Variants in ABCD3 observed in about 807,000 individuals in gnomAD.
The protein encoded by ABCD3 is ATP-binding cassette sub-family D member 3.
ABCD3 carries 41 observed loss-of-function variants against 105.5 expected under a neutral mutation model. The ratio of observed to expected loss-of-function variants is 0.39; its 90% confidence interval spans 0.30 to 0.50. The LOEUF is 0.50. ABCD3 is among the 20% of genes least tolerant of loss of function. The pLI is 0.84. For missense variants in ABCD3, 622 were observed against 806.3 expected (o/e 0.77, Z 2.77); for synonymous variants, 258 against 269.0 (o/e 0.96, Z 0.40).
intron 4 of ABCD3, among the ~76,000 whole-genome samples, chr1:94,469,663 C>CTTT (rs5776221): frequency 5.7e-5 from 4 of 70,080 alleles, no homozygotes; most frequent in African/African-American, 1.4e-4. Flanking sequence ...GTGTTCTTGC[C>CTTT]TTTTTTTTTT....
intron 1 of ABCD3, among the ~76,000 whole-genome samples, chr1:94,437,618 A>G (rs1356839719): frequency 6.6e-6 from 1 of 152,228 alleles, no homozygotes; most frequent in Non-Finnish European, 1.5e-5. Context: ...TGTTTTCATG[A>G]CTGCTTATAC....
rs776244018 is a variant in ABCD3, at chr1:94,499,001, A to C, written c.1587A>C (p.Arg529=). 1.2e-6 allele frequency: 2 copies of C among 1,614,028 alleles called. No individual in the cohort carries two copies. The highest frequency in any genetic ancestry group is 1.7e-6 in the Non-Finnish European group (2 of 1,179,950). The change falls in exon 19 of 23, where the codon CGA becomes CGC. Residue 529 remains arginine (R), a synonymous_variant. Transcript: ENST00000370214. ...ATCAAGTGATATATCCAGATGGACG[A>C]GAAGATCAGAAAAGGAAGGGAATTT... ...LRDQVIYPDG[R]EDQKRKGISD... is the part of the protein sequence containing the mutation.
intron 1 of ABCD3, among the ~76,000 whole-genome samples, chr1:94,434,593 T>C (rs1201180235): frequency 6.6e-6 from 1 of 152,180 alleles, no homozygotes; most frequent in Non-Finnish European, 1.5e-5. Flanking sequence ...ATTATAATCT[T>C]ATGGGACCAC....
chr1:94,409,183 T>G, the ABCD3 span, among the ~76,000 whole-genome samples: 1 of 152,142 alleles, frequency 6.6e-6, no homozygotes, highest in African/African-American at 2.4e-5. Context: ...TAGTAAAAAA[T>G]AATTTAATTG....
At chr1:94,425,242 A>G (rs1659420163) in intron 1 of ABCD3, among the ~76,000 whole-genome samples, 1 of 152,184 alleles carries the variant, frequency 6.6e-6, no homozygotes, top group African/African-American at 2.4e-5. Flanking sequence ...ACCATAATAC[A>G]AATATTGTTT....
chr1:94,458,881 T>G (rs1384691869), intron 2 of ABCD3, among the ~76,000 whole-genome samples: 3 of 148,722 alleles, frequency 2.0e-5, no homozygotes, highest in African/African-American at 7.4e-5. Context: ...TCCCCCCCTC[T>G]TCTAGCTTCT....
chr1:94,462,187 T>C (rs1647907160), intron 2 of ABCD3, among the ~76,000 whole-genome samples: 1 of 152,208 alleles, frequency 6.6e-6, no homozygotes, highest in Non-Finnish European at 1.5e-5. Context: ...ACCACAGTGG[T>C]CTTTTTTTTA....
rs769127252 is a variant in ABCD3, at chr1:94,478,545, C to T, written c.684+230C>T. 7 of 1,597,148 alleles carry T rather than the reference C, an allele frequency of 4.4e-6. No individual in the cohort carries two copies. The East Asian group carries it at 1.1e-4, about 26-fold the overall frequency. On this transcript the variant is annotated intron_variant, in intron 8 of 22. Transcript: ENST00000370214. ...TTAGGTACTTGGAAAAATTTTGTGG[C>T]ATTAAAAACCAGACAAATGTATTGG...
rs747209883 is a variant in ABCD3 at position 94,499,051 on chromosome 1, A to G, written c.1620+17A>G. 4.4e-6 allele frequency: 7 copies of G among 1,579,738 alleles called. No homozygotes were observed. In the African/African-American group the frequency reaches 8.1e-5, roughly 18 times the overall value. On this transcript the variant is annotated intron_variant, in intron 19 of 22. Transcript: ENST00000370214. ...TCTGACCTAGTAAGGGAATGTTTAT[A>G]TCCTAGATCCACTGAAAATACTCCA...
At chr1:94,425,659 T>TGCAGTACTATGAATGAA (rs1659440395) in intron 1 of ABCD3, among the ~76,000 whole-genome samples, 1 of 152,260 alleles carries the variant, frequency 6.6e-6, no homozygotes, top group Non-Finnish European at 1.5e-5. Flanking sequence ...TGTGCCAATT[T>TGCAGTACTATGAATGAA]GCAGTACTAT....
At chr1:94,412,553 C>T in the ABCD3 span, among the ~76,000 whole-genome samples, 1 of 152,098 alleles carries the variant, frequency 6.6e-6, no homozygotes, top group African/African-American at 2.4e-5. Flanking sequence ...TAGAAAAGTT[C>T]CCAATTCTTT....
chr1:94,494,049 C>T (rs11581292), intron 16 of ABCD3, among the ~76,000 whole-genome samples: 54,166 of 151,660 alleles, frequency 0.36, 11,312 homozygotes, highest in Middle Eastern at 0.55. Flanking sequence ...ACATATGTAA[C>T]TAACCTGCAC....
chr1:94,475,514 T>C, intron 6 of ABCD3, 100 bp from the exon 7 acceptor site: 1 of 1,285,902 alleles, frequency 7.8e-7, no homozygotes, highest in South Asian at 1.3e-5. Flanking sequence ...ACTTTTTTGT[T>C]TCTATGTATT....
chr1:94,458,181 A>T (rs1647681674), intron 1 of ABCD3, among the ~76,000 whole-genome samples: 1 of 152,224 alleles, frequency 6.6e-6, no homozygotes, highest in Non-Finnish European at 1.5e-5. Context: ...AGGATTGCTC[A>T]CATGGTTGGG....
At chr1:94,480,092 T>C (rs916250644) in intron 8 of ABCD3, 9 of 262,438 alleles carry the variant, frequency 3.4e-5, no homozygotes, top group Non-Finnish European at 6.6e-5. Context: ...AATATTAACA[T>C]TAAAAAAGAA....
intron 16 of ABCD3, among the ~76,000 whole-genome samples, chr1:94,496,875 C>T (rs1315747444): frequency 1.3e-5 from 2 of 150,694 alleles, no homozygotes; most frequent in East Asian, 3.9e-4. Context: ...TCAAGCAATT[C>T]TCATGCCTCA....
At position 94,491,280 on chromosome 1, in the gene ABCD3, A is replaced by G. The variant is rs778697189; in HGVS notation, c.1386+33A>G. The G allele has an allele frequency of 1.4e-4, 215 of 1,488,226 alleles. 1 individual carries two copies. Among genetic ancestry groups the G allele is most frequent in the Admixed American group, 4.7e-4 (28 of 59,266 alleles). The allele number at this position is 1,488,226 out of a possible 1,614,324, so 92.2% of individuals were successfully genotyped here. ...TTTAAATGATCATATAAAAGCTTAAATCATCTTTAAAATGTGAACTGAAAA... is the reference window on the plus strand; with the variant it reads ...TTTAAATGATCATATAAAAGCTTAAGTCATCTTTAAAATGTGAACTGAAAA... On this transcript the variant is annotated intron_variant, in intron 16 of 22. Transcript: ENST00000370214.
rs532115958 is a variant in ABCD3, at chr1:94,432,079, C to T, written c.110+13491C>T. 1.1e-3 allele frequency among the ~76,000 whole-genome samples: 168 copies of T among 152,314 alleles called. 2 individuals are homozygous for T. Among genetic ancestry groups the T allele is most frequent in the Admixed American group, 5.0e-3 (76 of 15,302 alleles). On this transcript the variant is annotated intron_variant, in intron 1 of 22. Coordinates refer to ENST00000370214, the MANE Select transcript of ABCD3 (RefSeq NM_002858.4). The stretch of plus-strand genomic sequence containing the variant: ...TGGTTCAAGAAAATATCTATTCTCT[C>T]TTCCCCCACTGGAGGAAACAGGAAT...
chr1:94,406,526 C>T, the ABCD3 span: 2 of 377,662 alleles, frequency 5.3e-6, no homozygotes, highest in South Asian at 2.2e-5. Flanking sequence ...CTTTGGCTCC[C>T]TTCTTTTTCT....
Sources: gnomAD v4.1 joint callset for allele counts (sites outside exome capture counted in the v4.1 genomes callset) on GRCh38, gnomAD v4.1.1 for gene constraint, MANE v1.5 for transcripts, NCBI Gene and HGNC (gene_info 2026-07-23, HGNC 2026-07-21) for gene names.